The following LITAF variants were observed in gnomAD, a reference collection of about 807,000 sequenced individuals.
LITAF encodes lipopolysaccharide-induced tumor necrosis factor-alpha factor.
In LITAF, 9 loss-of-function variants were observed where a neutral mutation model predicts 14.5. The observed-to-expected ratio is 0.62, with a 90% confidence interval of 0.37 to 1.08. The LOEUF (loss-of-function observed/expected upper bound fraction) is 1.08, where lower values mean the gene tolerates loss of function less well. Among genes scored for constraint, LITAF ranks in the 50% least tolerant of loss-of-function variants. The pLI is 0.01. For missense variants in LITAF, 206 were observed against 213.4 expected (o/e 0.97, Z 0.22); for synonymous variants, 98 against 88.2 (o/e 1.11, Z -0.62).
chr16:11,620,223 G>A lies in LITAF; in HGVS notation c.85+13310C>T, dbSNP rs369700404. Among the ~76,000 whole-genome samples, 8 of 152,038 alleles carry A rather than the reference G, an allele frequency of 5.3e-5. No homozygotes were observed. In the East Asian group the frequency reaches 1.2e-3, roughly 22 times the overall value. ...AAGAAAAGTAATCCTCCACAATGTT[G>A]GAGGTGGGGCCTGGTGGGAGGTGTT... On this transcript the variant is annotated intron_variant, in intron 3 of 3. Coordinates refer to the LITAF transcript ENST00000574848.
upstream of LITAF, among the ~76,000 whole-genome samples, chr16:11,637,064 T>C (rs1383778934): frequency 6.6e-6 from 1 of 152,180 alleles, no homozygotes; most frequent in African/African-American, 2.4e-5. Flanking sequence ...CTAATTTTTG[T>C]ATTTTTAGTA....
rs148557158 is a variant in LITAF, at chr16:11,621,010, C to G, written c.85+12523G>C. On this transcript the variant is annotated intron_variant, in intron 3 of 3. Transcript: ENST00000574848. ...TTCTGGGCTCAGGTGATCCTGCCAC[C>G]TCAGTCTCCTGAGTAGCTGGGACTA... 6.3e-4 allele frequency among the ~76,000 whole-genome samples: 96 copies of G among 152,300 alleles called. No homozygotes were observed. In the East Asian group the frequency reaches 0.014, roughly 22 times the overall value.
At chr16:11,638,701 CAAAAAAAAAAAAAAAAAAA>C (rs57170972), upstream of LITAF, among the ~76,000 whole-genome samples, 40 of 75,964 alleles carry the variant, frequency 5.3e-4, no homozygotes, top group East Asian at 1.7e-3. Flanking sequence ...GACTCTGTCT[CAAAAAAAAAAAAAAAAAAA>C]AAAAAAAAAA....
In LITAF at chr16:11,586,363, G is replaced by A. The variant is rs1393140543; in HGVS notation, c.-6+523C>T. ...GATCTTGCGCGAAGTCGCGGGGGCA[G>A]GGAGAGAAACGCGGGTACCCGCGCC... On this transcript the variant is annotated intron_variant, in intron 1 of 3. Coordinates refer to ENST00000622633, the MANE Select transcript of LITAF (RefSeq NM_001136472.2). The surrounding 1 kb of genome is among the most constrained non-coding windows in gnomAD (Gnocchi z 6.5). 4 of 152,276 alleles carry A rather than the reference G, an allele frequency of 2.6e-5. No homozygotes were observed. The highest frequency in any genetic ancestry group is 5.9e-5 in the Non-Finnish European group (4 of 68,054). The allele number at this position is 152,276 out of a possible 1,614,324, so 9.4% of individuals were successfully genotyped here. A position where few individuals can be genotyped will look rare whatever the true frequency, so the allele number is the denominator to read the frequency against.
intron 3 of LITAF, among the ~76,000 whole-genome samples, chr16:11,617,956 A>C (rs1056421668): frequency 4.6e-5 from 7 of 151,262 alleles, no homozygotes; most frequent in African/African-American, 1.7e-4. Flanking sequence ...CTGCAGCCTC[A>C]ACCCCCTGAG....
rs1370559463 is a variant in LITAF, at chr16:11,553,826, C to T, written c.221-137G>A. 7.1e-6 allele frequency: 7 copies of T among 991,988 alleles called. No individual in the cohort carries two copies. Among genetic ancestry groups the T allele is most frequent in the Admixed American group, 4.1e-5 (2 of 48,486 alleles). The allele number at this position is 991,988 out of a possible 1,614,324, so 61.4% of individuals were successfully genotyped here. Reference sequence around the variant, plus strand: ...ATTTGTGTTCATAGCATGCGTTCATCGTCTGGCTATCTATGAGAGCCAAAA... The same window carrying T: ...ATTTGTGTTCATAGCATGCGTTCATTGTCTGGCTATCTATGAGAGCCAAAA... On this transcript the variant is annotated intron_variant, in intron 2 of 3. Coordinates refer to ENST00000622633, the MANE Select transcript of LITAF (RefSeq NM_001136472.2). This position sits in a 1 kb window ranked among gnomAD's most constrained non-coding sequence, Gnocchi z 7.7.
chr16:11,573,179 C>G (rs748569981), intron 1 of LITAF, among the ~76,000 whole-genome samples: 3 of 152,122 alleles, frequency 2.0e-5, no homozygotes, highest in Non-Finnish European at 4.4e-5. Context: ...ATCCGCCTGC[C>G]TCGGCCTCCC....
At chr16:11,627,182 T>G (rs1228895621) in intron 3 of LITAF, among the ~76,000 whole-genome samples, 1 of 152,172 alleles carries the variant, frequency 6.6e-6, no homozygotes, top group Non-Finnish European at 1.5e-5. Context: ...ATTGCTCCAG[T>G]AATGGGCATG....
intron 1 of LITAF, among the ~76,000 whole-genome samples, chr16:11,583,918 A>G (rs899745238): frequency 2.6e-5 from 4 of 152,222 alleles, no homozygotes; most frequent in Admixed American, 2.6e-4. Flanking sequence ...ATGAAATTAC[A>G]CAATTCTTCT....
At chr16:11,602,202 C>CA (rs1439610342), upstream of LITAF, among the ~76,000 whole-genome samples, 4 of 151,982 alleles carry the variant, frequency 2.6e-5, no homozygotes, top group Non-Finnish European at 5.9e-5. Flanking sequence ...ACCAAAAATA[C>CA]AAAAAATTAG....
At chr16:11,566,281 GGGTGACCCAATGTCCCA>G (rs1486830336) in intron 1 of LITAF, among the ~76,000 whole-genome samples, 9 of 152,264 alleles carry the variant, frequency 5.9e-5, no homozygotes. Context: ...GTGCTTCATA[GGGTGACCCAATGTCCCA>G]GTCTCCCTTG....
chr16:11,623,720 A>T (rs1178148437), intron 3 of LITAF, among the ~76,000 whole-genome samples: 3 of 151,126 alleles, frequency 2.0e-5, no homozygotes, highest in Non-Finnish European at 2.9e-5. Flanking sequence ...TAATCCCAGG[A>T]CTTTGGAAGG....
At chr16:11,560,248 G>C (rs1219855050) in intron 1 of LITAF, among the ~76,000 whole-genome samples, 1 of 152,102 alleles carries the variant, frequency 6.6e-6, no homozygotes, top group African/African-American at 2.4e-5. Context: ...AGGGAGCTGA[G>C]ATTGCGCCAT....
At chr16:11,591,934 T>C (rs564815891), upstream of LITAF, among the ~76,000 whole-genome samples, 1 of 152,170 alleles carries the variant, frequency 6.6e-6, no homozygotes, top group Non-Finnish European at 1.5e-5. Context: ...GATATCCACA[T>C]GTAGAAGAAT....
chr16:11,551,846 A>AAGCG (rs2064187187), intron 3 of LITAF: 2 of 525,622 alleles, frequency 3.8e-6, no homozygotes, highest in Admixed American at 3.5e-5. Flanking sequence ...AAAACAAAAC[A>AAGCG]AGTTTCTATT....
chr16:11,608,926 G>A (rs982282738), intron 3 of LITAF, among the ~76,000 whole-genome samples: 1 of 151,898 alleles, frequency 6.6e-6, no homozygotes, highest in Non-Finnish European at 1.5e-5. Context: ...TCCAGCCTGG[G>A]TGACAGAGTG....
At chr16:11,577,405 C>T (rs1323559205) in intron 1 of LITAF, among the ~76,000 whole-genome samples, 1 of 149,726 alleles carries the variant, frequency 6.7e-6, no homozygotes, top group African/African-American at 2.5e-5. Context: ...GCAAGCTCCA[C>T]CTTCCAGGTT....
chr16:11,622,884 C>T (rs1243756044), intron 3 of LITAF, among the ~76,000 whole-genome samples: 1 of 151,408 alleles, frequency 6.6e-6, no homozygotes, highest in East Asian at 1.9e-4. Flanking sequence ...ACAGGTATTT[C>T]GTATATCATT....
intron 2 of LITAF, among the ~76,000 whole-genome samples, chr16:11,555,211 T>C (rs984673010): frequency 6.6e-6 from 1 of 152,166 alleles, no homozygotes; most frequent in African/African-American, 2.4e-5. Context: ...TTTATTTTCA[T>C]AGAGACAATG....
Sources: gnomAD v4.1 joint callset for allele counts (sites outside exome capture counted in the v4.1 genomes callset) on GRCh38, gnomAD v4.1.1 for gene constraint, Gnocchi (gnomAD v3.1) non-coding constraint, MANE v1.5 for transcripts, NCBI Gene and HGNC (gene_info 2026-07-23, HGNC 2026-07-21) for gene names.